The following ABCB4 variants were observed in gnomAD, a reference collection of about 807,000 sequenced individuals.
The protein encoded by ABCB4 is phosphatidylcholine translocator ABCB4.
In ABCB4, 76 loss-of-function variants were observed where a neutral mutation model predicts 145.7. That is an observed-to-expected ratio of 0.52 (90% CI 0.43 to 0.63). ABCB4 has a LOEUF of 0.63. Ranked by LOEUF, ABCB4 falls within the 30% of genes least tolerant of loss-of-function variation. The probability of loss-of-function intolerance (pLI) is 0.00; values close to 1 mark genes in which losing one functional copy is unlikely to be tolerated. For missense variants in ABCB4, 1,234 were observed against 1,553.1 expected (o/e 0.79, Z 3.45); for synonymous variants, 517 against 566.8 (o/e 0.91, Z 1.25).
intron 3 of ABCB4, 99 bp downstream of exon 3, chr7:87,472,522 C>A: frequency 2.7e-6 from 3 of 1,107,056 alleles, no homozygotes; most frequent in Non-Finnish European, 4.1e-6. Context: ...GCTCGCCTAG[C>A]TAGACAATCT....
intron 16 of ABCB4, among the ~76,000 whole-genome samples, chr7:87,425,369 G>A (rs1809734324): frequency 6.6e-6 from 1 of 152,148 alleles, no homozygotes. Flanking sequence ...AGCCAAAAGA[G>A]GGGAAATTGC....
chr7:87,414,361 G>T (rs1808826192), intron 21 of ABCB4, among the ~76,000 whole-genome samples: 1 of 152,160 alleles, frequency 6.6e-6, no homozygotes, highest in South Asian at 2.1e-4. Flanking sequence ...GTAAGAAGCT[G>T]GTCTGAATAT....
Position 87,454,550 on chromosome 7 carries a change from T to C in ABCB4, c.329A>G (p.Glu110Gly). Reference sequence around the variant, plus strand: ...TATGAGTTACCTAGTCATTTCTTCTTCCAGAATTTTGCCTGGATTTAGCAG... The same window carrying C: ...TATGAGTTACCTAGTCATTTCTTCTCCCAGAATTTTGCCTGGATTTAGCAG... ...LSLLNPGKIL[E>G]EEMTRYAYYY... Residue 110 changes from glutamate (E) to glycine (G), a missense_variant, in exon 5 of 28, where the codon GAA becomes GGA. Physicochemically the swap from Glu to Gly is moderately conservative, Grantham distance 98 (BLOSUM62 -2). This residue lies in a region of ABCB4 where 467 missense variants were observed against 632.8 expected (regional missense o/e 0.74). Coordinates refer to ENST00000649586, the MANE Select transcript of ABCB4 (RefSeq NM_000443.4). 1 of 1,610,886 alleles carries C rather than the reference T, an allele frequency of 6.2e-7. No homozygotes were observed. Among genetic ancestry groups the C allele is most frequent in the Admixed American group, 1.7e-5 (1 of 59,896 alleles).
Position 87,413,608 on chromosome 7 carries a change from G to T in ABCB4, c.2783+9C>A, listed in dbSNP as rs1584687516. The T allele has an allele frequency of 3.2e-6, 5 of 1,543,348 alleles. No individual in the cohort carries two copies. Among genetic ancestry groups the T allele is most frequent in the Admixed American group, 3.3e-5 (2 of 59,878 alleles). On this transcript the variant is annotated intron_variant, in intron 22 of 27. Coordinates refer to ENST00000649586, the MANE Select transcript of ABCB4 (RefSeq NM_000443.4). ...CTAGGTTCTTAGCAGGAATCATATGGTTCATTACCTGTAAGGTCCATACAA... is the reference window on the plus strand; with the variant it reads ...CTAGGTTCTTAGCAGGAATCATATGTTTCATTACCTGTAAGGTCCATACAA...
chr7:87,462,498 T>A (rs1812528085), intron 4 of ABCB4, among the ~76,000 whole-genome samples: 1 of 152,198 alleles, frequency 6.6e-6, no homozygotes, highest in South Asian at 2.1e-4. Context: ...GTAGAGTGAC[T>A]TCCTTACTTT....
At chr7:87,389,502 T>C in the ABCB4 span, among the ~76,000 whole-genome samples, 1 of 151,940 alleles carries the variant, frequency 6.6e-6, no homozygotes, top group Non-Finnish European at 1.5e-5. Context: ...AAACCATCAT[T>C]CTCAACAAAC....
chr7:87,413,016 T>C (rs1394338150), intron 22 of ABCB4, among the ~76,000 whole-genome samples: 1 of 152,212 alleles, frequency 6.6e-6, no homozygotes, highest in Non-Finnish European at 1.5e-5. Context: ...ACTGTTCCAG[T>C]CTGCAAAATT....
At chr7:87,381,636 TA>T in the ABCB4 span, among the ~76,000 whole-genome samples, 1 of 152,216 alleles carries the variant, frequency 6.6e-6, no homozygotes, top group Non-Finnish European at 1.5e-5. Flanking sequence ...CTAGATTGTT[TA>T]TATGTTATTT....
At chr7:87,428,468 G>A (rs1809986364) in intron 15 of ABCB4, among the ~76,000 whole-genome samples, 1 of 152,124 alleles carries the variant, frequency 6.6e-6, no homozygotes, top group Non-Finnish European at 1.5e-5. Flanking sequence ...TCCTTTCGGA[G>A]AACAACCTCA....
At chr7:87,446,991 T>G (rs1490860297) in intron 9 of ABCB4, 43 bp downstream of exon 9, 5 of 1,533,062 alleles carry the variant, frequency 3.3e-6, no homozygotes. Flanking sequence ...GATGGAGAAA[T>G]AAGATTTTCA....
intron 11 of ABCB4, 46 bp downstream of exon 11, chr7:87,443,617 A>G: frequency 6.4e-7 from 1 of 1,570,064 alleles, no homozygotes; most frequent in Non-Finnish European, 8.8e-7. Context: ...AAATGATTCA[A>G]CAATCAACCT....
downstream of ABCB4, among the ~76,000 whole-genome samples, chr7:87,400,493 G>A (rs1391940296): frequency 1.3e-5 from 2 of 152,114 alleles, no homozygotes; most frequent in Non-Finnish European, 2.9e-5. Context: ...ATTCAGAGTT[G>A]GCTTCAGTAG....
the ABCB4 span, among the ~76,000 whole-genome samples, chr7:87,389,861 C>G: frequency 1.3e-5 from 2 of 152,122 alleles, no homozygotes; most frequent in East Asian, 1.9e-4. Flanking sequence ...TTGCCAGAAA[C>G]TAGCTCATCA....
At chr7:87,456,812 G>A (rs1230571602) in intron 4 of ABCB4, among the ~76,000 whole-genome samples, 1 of 151,928 alleles carries the variant, frequency 6.6e-6, no homozygotes, top group African/African-American at 2.4e-5. Flanking sequence ...GTAACCTGAG[G>A]AGCTCCAGAG....
At chr7:87,423,775 A>G (rs1809614461) in intron 17 of ABCB4, 131 bp downstream of exon 17, 7 of 1,102,392 alleles carry the variant, frequency 6.3e-6, no homozygotes, top group Middle Eastern at 2.1e-4. Flanking sequence ...CTCAAAAGGG[A>G]TTTAAGGACT....
chr7:87,449,912 A>C, intron 8 of ABCB4, 56 bp downstream of exon 8: 1 of 1,613,728 alleles, frequency 6.2e-7, no homozygotes, highest in Non-Finnish European at 8.5e-7. Context: ...ACAAAGAAGA[A>C]GCAACAAAAT....
rs753395770 is a variant in ABCB4, at chr7:87,443,461, A to C, written c.1231-17T>G. ...CTTCAAGATCTGTAAGGAAAATGAG[A>C]AAAAAGAACACACTTCACAACAAAG... On this transcript the variant is annotated splice_polypyrimidine_tract_variant and intron_variant, in intron 11 of 27. Coordinates refer to ENST00000649586, the MANE Select transcript of ABCB4 (RefSeq NM_000443.4). The C allele has an allele frequency of 1.2e-6, 2 of 1,614,126 alleles. No individual in the cohort carries two copies. The highest frequency in any genetic ancestry group is 1.7e-6 in the Non-Finnish European group (2 of 1,179,996).
At chr7:87,417,580 G>T in intron 20 of ABCB4, 65 bp from the exon 21 acceptor site, 2 of 1,361,186 alleles carry the variant, frequency 1.5e-6, no homozygotes, top group Non-Finnish European at 2.1e-6. Flanking sequence ...TCCAGCCTTA[G>T]CCTCTTGGTC....
intron 12 of ABCB4, among the ~76,000 whole-genome samples, chr7:87,441,408 T>TACAA (rs1554406870): frequency 2.2e-4 from 34 of 152,144 alleles, no homozygotes; most frequent in African/African-American, 8.0e-4. Context: ...TGTATACATT[T>TACAA]ATAAAGTTGA....
Sources: allele counts gnomAD v4.1 joint callset (sites outside exome capture counted in the v4.1 genomes callset), GRCh38; gene constraint gnomAD v4.1.1; regional missense constraint gnomAD v4.1.1; transcripts MANE v1.5; gene names NCBI Gene and HGNC (gene_info 2026-07-23, HGNC 2026-07-21).